KIRREL3: variants seen among roughly 807,000 people sequenced by gnomAD.
KIRREL3 encodes the protein kirre like nephrin family adhesion molecule 3.
KIRREL3 carries 36 observed loss-of-function variants against 89.7 expected under a neutral mutation model. The observed-to-expected ratio is 0.40, with a 90% CI of 0.31 to 0.53. The LOEUF (loss-of-function observed/expected upper bound fraction) is 0.53. KIRREL3 is among the 20% of genes least tolerant of loss of function. The pLI is 0.49. For missense variants in KIRREL3, 864 were observed against 1,056.6 expected, an observed-to-expected ratio of 0.82 and a Z score of 2.53; for synonymous variants, 445 against 441.4, an observed-to-expected ratio of 1.01 and a Z score of -0.10.
Position 126,976,747 on chromosome 11 carries a change from A to G in KIRREL3, c.55+23708T>C, listed in dbSNP as rs1435791587. On this transcript the variant is annotated intron_variant, in intron 1 of 16. Coordinates refer to ENST00000525144, the MANE Select transcript of KIRREL3 (RefSeq NM_032531.4). The surrounding 1 kb of genome is among the most constrained non-coding windows in gnomAD (Gnocchi z 4.2). ...GCGTATCATTTAATCTACTTAACAA[A>G]TCTATGGCATACATACTCTTGATAT... Among the ~76,000 whole-genome samples, 1 of 151,956 alleles carries G rather than the reference A, an allele frequency of 6.6e-6. No individual in the cohort carries two copies. Among genetic ancestry groups the G allele is most frequent in the Non-Finnish European group, 1.5e-5 (1 of 68,002 alleles).
At chr11:126,793,834 C>T (rs1316324407) in intron 1 of KIRREL3, among the ~76,000 whole-genome samples, 1 of 152,212 alleles carries the variant, frequency 6.6e-6, no homozygotes, top group Non-Finnish European at 1.5e-5. Flanking sequence ...CTCTGCATGA[C>T]TGAGCTCCAC....
intron 1 of KIRREL3, among the ~76,000 whole-genome samples, chr11:126,786,759 A>G (rs1463263729): frequency 6.6e-6 from 1 of 152,192 alleles, no homozygotes; most frequent in Non-Finnish European, 1.5e-5. Context: ...TTGGGCTGAA[A>G]CCATGAAGCA....
intron 1 of KIRREL3, among the ~76,000 whole-genome samples, chr11:126,592,482 C>T (rs1942183995): frequency 6.6e-6 from 1 of 152,326 alleles, no homozygotes; most frequent in Middle Eastern, 3.4e-3. Context: ...CGATTCCAAA[C>T]TCAGGCTCTT....
Position 126,860,033 on chromosome 11 carries a change from T to G in KIRREL3, c.55+140422A>C, listed in dbSNP as rs148910148. 2.0e-5 allele frequency among the ~76,000 whole-genome samples: 3 copies of G among 152,240 alleles called. No homozygotes were observed. Among genetic ancestry groups the G allele is most frequent in the Non-Finnish European group, 2.9e-5 (2 of 68,042 alleles). ...TGTATTAACTCTGACGTTCTACTAT[T>G]GTCTGAGAAGCGTAATCTGAAAGGG... On this transcript the variant is annotated intron_variant, in intron 1 of 16. Coordinates refer to ENST00000525144, the MANE Select transcript of KIRREL3 (RefSeq NM_032531.4). The surrounding 1 kb of genome is among the most constrained non-coding windows in gnomAD (Gnocchi z 4.6).
At chr11:126,863,159 C>A (rs1944758042) in intron 1 of KIRREL3, among the ~76,000 whole-genome samples, 1 of 152,240 alleles carries the variant, frequency 6.6e-6, no homozygotes, top group East Asian at 1.9e-4. Flanking sequence ...TGGAACACAG[C>A]ACGAAGGTGT....
At chr11:126,665,018 GAC>G (rs1945592031) in intron 1 of KIRREL3, among the ~76,000 whole-genome samples, 1 of 152,206 alleles carries the variant, frequency 6.6e-6, no homozygotes. Flanking sequence ...ACAATGAGCA[GAC>G]ACTCTACTTT....
At chr11:126,691,123 G>A (rs1226393792) in intron 1 of KIRREL3, among the ~76,000 whole-genome samples, 4 of 152,218 alleles carry the variant, frequency 2.6e-5, no homozygotes, top group Non-Finnish European at 5.9e-5. Context: ...CGGCTGTTAA[G>A]AGTATGGAAG....
intron 1 of KIRREL3, among the ~76,000 whole-genome samples, chr11:126,680,818 T>C (rs2135098737): frequency 6.6e-6 from 1 of 152,010 alleles, no homozygotes; most frequent in South Asian, 2.1e-4. Flanking sequence ...TTAATAAGAA[T>C]GTAATTTGTA....
chr11:126,613,880 T>TG (rs1943233036), intron 1 of KIRREL3, among the ~76,000 whole-genome samples: 1 of 43,974 alleles, frequency 2.3e-5, no homozygotes, highest in Non-Finnish European at 5.8e-5. Context: ...GCTTTTTTTT[T>TG]TTTTTTTTTT....
In KIRREL3 at chr11:126,897,413, A is replaced by T. The variant is rs567916482; in HGVS notation, c.55+103042T>A. 6.6e-6 allele frequency among the ~76,000 whole-genome samples: 1 copy of T among 152,002 alleles called. No individual in the cohort carries two copies. On this transcript the variant is annotated intron_variant, in intron 1 of 16. Coordinates refer to ENST00000525144, the MANE Select transcript of KIRREL3 (RefSeq NM_032531.4). This position sits in a 1 kb window ranked among gnomAD's most constrained non-coding sequence, Gnocchi z 4.2. ...CCCCAAGCGTTCTCTTATTTTGGGG[A>T]AAAAAAATGAATGTGCAATTCAACT...
rs1012570753 is a variant in KIRREL3, at chr11:126,752,449, A to T, written c.56-189537T>A. Among the ~76,000 whole-genome samples, 6 of 152,220 alleles carry T rather than the reference A, an allele frequency of 3.9e-5. No homozygotes were observed. The highest frequency in any genetic ancestry group is 1.4e-4 in the African/African-American group (6 of 41,460). On this transcript the variant is annotated intron_variant, in intron 1 of 16. Coordinates refer to ENST00000525144, the MANE Select transcript of KIRREL3 (RefSeq NM_032531.4). This position sits in a 1 kb window ranked among gnomAD's most constrained non-coding sequence, Gnocchi z 4.8. Reference sequence around the variant, plus strand: ...ATTATGTAGCTATGGAATTAACATTATCATTACAGTGCTAATAATAATAAT... The same window carrying T: ...ATTATGTAGCTATGGAATTAACATTTTCATTACAGTGCTAATAATAATAAT...
chr11:126,936,476 G>A (rs1948189858), intron 1 of KIRREL3: 1 of 150,788 alleles, frequency 6.6e-6, no homozygotes, highest in African/African-American at 2.4e-5. Context: ...GCAACAAAGT[G>A]GAAAAAAATC....
rs951606915 is a variant in KIRREL3 at position 126,970,106 on chromosome 11, C to A, written c.55+30349G>T. On this transcript the variant is annotated intron_variant, in intron 1 of 16. Coordinates refer to ENST00000525144, the MANE Select transcript of KIRREL3 (RefSeq NM_032531.4). This position sits in a 1 kb window ranked among gnomAD's most constrained non-coding sequence, Gnocchi z 4.4. Reference sequence around the variant, plus strand: ...CTAGGGACGGAACAGGAAAATGCAGCCTCTCTACCACTGCCCCTGCCCCCT... The same window carrying A: ...CTAGGGACGGAACAGGAAAATGCAGACTCTCTACCACTGCCCCTGCCCCCT... Among the ~76,000 whole-genome samples, 1 of 152,188 alleles carries A rather than the reference C, an allele frequency of 6.6e-6. No homozygotes were observed. The highest frequency in any genetic ancestry group is 1.5e-5 in the Non-Finnish European group (1 of 68,034).
At chr11:126,442,814 C>T (rs796878036) in intron 10 of KIRREL3, among the ~76,000 whole-genome samples, 2 of 152,188 alleles carry the variant, frequency 1.3e-5, no homozygotes, top group South Asian at 4.1e-4. Flanking sequence ...GTGAGGCCAC[C>T]CTAGTCAAGA....
chr11:126,973,888 A>G (rs1472296522), intron 1 of KIRREL3, among the ~76,000 whole-genome samples: 10 of 152,058 alleles, frequency 6.6e-5, no homozygotes, highest in Non-Finnish European at 1.2e-4. Context: ...GAATATAGCA[A>G]TTTATGTGAC....
rs746707564 is a variant in KIRREL3, at chr11:126,462,493, C to G, written c.742+664G>C. Among the ~76,000 whole-genome samples, 6 of 152,038 alleles carry G rather than the reference C, an allele frequency of 3.9e-5. No individual in the cohort carries two copies. Among genetic ancestry groups the G allele is most frequent in the Non-Finnish European group, 7.4e-5 (5 of 68,008 alleles). On this transcript the variant is annotated intron_variant, in intron 6 of 16. Transcript: ENST00000525144. The surrounding 1 kb of genome is among the most constrained non-coding windows in gnomAD (Gnocchi z 4.8). ...CAGCTTGGCCAATATGGTGAAACCC[C>G]ATATCTACTAAAGATACAGAAATTA...
intron 1 of KIRREL3, among the ~76,000 whole-genome samples, chr11:126,836,913 C>G (rs1943801198): frequency 6.6e-6 from 1 of 152,188 alleles, no homozygotes; most frequent in Non-Finnish European, 1.5e-5. Context: ...TATTTGTGTG[C>G]TGCCTTCTAA....
At position 126,526,713 on chromosome 11, in the gene KIRREL3, C is replaced by T; in HGVS notation, c.134-26G>A. The T allele has an allele frequency of 1.9e-6, 3 of 1,546,384 alleles. No homozygotes were observed. Among genetic ancestry groups the T allele is most frequent in the Non-Finnish European group, 2.6e-6 (3 of 1,142,234 alleles). ...CTGGGAAGGAGACAAACACAATGGTCAGTTATCTGCCGGCTACAGGGGCGA... is the reference window on the plus strand; with the variant it reads ...CTGGGAAGGAGACAAACACAATGGTTAGTTATCTGCCGGCTACAGGGGCGA... On this transcript the variant is annotated intron_variant, in intron 2 of 16. Transcript: ENST00000525144. This position sits in a 1 kb window ranked among gnomAD's most constrained non-coding sequence, Gnocchi z 5.7.
At position 126,812,543 on chromosome 11, in the gene KIRREL3, C is replaced by G. The variant is rs1307072706; in HGVS notation, c.55+187912G>C. 6.6e-6 allele frequency among the ~76,000 whole-genome samples: 1 copy of G among 152,178 alleles called. No individual in the cohort carries two copies. Among genetic ancestry groups the G allele is most frequent in the East Asian group, 1.9e-4 (1 of 5,198 alleles). ...GCCACTCCAGTACTCCGCACGGTGT[C>G]TGGCACACAGTAGGCACTTCACAAA... On this transcript the variant is annotated intron_variant, in intron 1 of 16. Coordinates refer to ENST00000525144, the MANE Select transcript of KIRREL3 (RefSeq NM_032531.4). The surrounding 1 kb of genome is among the most constrained non-coding windows in gnomAD (Gnocchi z 5.2).
Sources: gnomAD v4.1 joint callset for allele counts (sites outside exome capture counted in the v4.1 genomes callset) on GRCh38, gnomAD v4.1.1 for gene constraint, Gnocchi (gnomAD v3.1) non-coding constraint, MANE v1.5 for transcripts, NCBI Gene and HGNC (gene_info 2026-07-23, HGNC 2026-07-21) for gene names.